The following DENND1B variants were observed in gnomAD, a reference collection of about 807,000 sequenced individuals.
DENND1B encodes DENN domain-containing protein 1B.
In DENND1B, 59 loss-of-function variants were observed where a neutral mutation model predicts 90.1. The ratio of observed to expected loss-of-function variants is 0.65; its 90% confidence interval spans 0.53 to 0.81. The LOEUF (loss-of-function observed/expected upper bound fraction) is 0.81. Among genes scored for constraint, DENND1B ranks in the 40% least tolerant of loss-of-function variants. DENND1B has a pLI of 0.00. For missense variants in DENND1B, 862 were observed against 912.6 expected (o/e 0.94, Z 0.71); for synonymous variants, 337 against 324.6 (o/e 1.04, Z -0.41).
Position 197,557,286 on chromosome 1 carries a change from T to C in DENND1B, c.1150-4174A>G, listed in dbSNP as rs545437576. 3.9e-5 allele frequency among the ~76,000 whole-genome samples: 6 copies of C among 152,002 alleles called. No individual in the cohort carries two copies. The South Asian group carries it at 1.2e-3, about 31-fold the overall frequency. On this transcript the variant is annotated intron_variant, in intron 15 of 22. Transcript: ENST00000620048. ...GTGAAAGTAATACATTACTGACAAATAGAACAAACTAAGACATCCTTTAAA... is the reference window on the plus strand; with the variant it reads ...GTGAAAGTAATACATTACTGACAAACAGAACAAACTAAGACATCCTTTAAA...
intron 2 of DENND1B, among the ~76,000 whole-genome samples, chr1:197,742,107 G>A (rs1663268480): frequency 6.6e-6 from 1 of 152,048 alleles, no homozygotes; most frequent in Non-Finnish European, 1.5e-5. Context: ...TTCAAGTCTT[G>A]GTCGATACCA....
At chr1:197,752,629 A>G (rs949374328) in intron 2 of DENND1B, among the ~76,000 whole-genome samples, 2 of 152,008 alleles carry the variant, frequency 1.3e-5, no homozygotes, top group African/African-American at 4.8e-5. Context: ...AATTTTTTTC[A>G]AAGACTAATT....
intron 2 of DENND1B, among the ~76,000 whole-genome samples, chr1:197,764,829 G>A (rs981710358): frequency 6.6e-6 from 1 of 152,146 alleles, no homozygotes; most frequent in African/African-American, 2.4e-5. Flanking sequence ...AGTAACACCG[G>A]TGTACTTAAA....
chr1:197,559,115 GT>G (rs1025559466), intron 15 of DENND1B, among the ~76,000 whole-genome samples: 1 of 151,854 alleles, frequency 6.6e-6, no homozygotes, highest in African/African-American at 2.4e-5. Flanking sequence ...TTACCAGTCA[GT>G]GTATTTCCAG....
intron 20 of DENND1B, among the ~76,000 whole-genome samples, chr1:197,530,089 A>G (rs1669512250): frequency 6.6e-6 from 1 of 152,212 alleles, no homozygotes; most frequent in African/African-American, 2.4e-5. Flanking sequence ...AGCAACAGCC[A>G]TACTAATTAG....
intron 2 of DENND1B, chr1:197,735,870 C>G: frequency 1.3e-6 from 2 of 1,573,754 alleles, no homozygotes; most frequent in Admixed American, 3.4e-5. Context: ...AGTCAAATTG[C>G]AGGGGGCTAT....
At chr1:197,771,393 G>A (rs1656595540) in intron 2 of DENND1B, among the ~76,000 whole-genome samples, 1 of 152,114 alleles carries the variant, frequency 6.6e-6, no homozygotes, top group African/African-American at 2.4e-5. Context: ...AGAGGACCCG[G>A]TTGGGGCTCA....
intron 2 of DENND1B, among the ~76,000 whole-genome samples, chr1:197,752,422 T>TTAAA (rs1653676788): frequency 6.6e-6 from 1 of 151,914 alleles, no homozygotes; most frequent in South Asian, 2.1e-4. Context: ...CAAGAAACAT[T>TTAAA]TGGGCCTAGG....
At chr1:197,573,875 G>A (rs2125742596) in intron 15 of DENND1B, among the ~76,000 whole-genome samples, 1 of 152,278 alleles carries the variant, frequency 6.6e-6, no homozygotes, top group African/African-American at 2.4e-5. Flanking sequence ...AATAGATGCA[G>A]AAAAGGCCTC....
intron 2 of DENND1B, among the ~76,000 whole-genome samples, chr1:197,732,105 T>C (rs1432636514): frequency 6.6e-6 from 1 of 152,184 alleles, no homozygotes; most frequent in Non-Finnish European, 1.5e-5. Flanking sequence ...GCTCTTTCTT[T>C]CTCTTCATAT....
intron 3 of DENND1B, among the ~76,000 whole-genome samples, chr1:197,692,296 T>C (rs550599308): frequency 1.3e-5 from 2 of 151,974 alleles, no homozygotes; most frequent in South Asian, 4.1e-4. Context: ...AATCTAAAGT[T>C]ACCTCTTTAA....
chr1:197,516,183 T>C (rs1668386802), intron 20 of DENND1B, among the ~76,000 whole-genome samples: 1 of 151,848 alleles, frequency 6.6e-6, no homozygotes, highest in Admixed American at 6.6e-5. Flanking sequence ...CTGATTAATA[T>C]GTTGTTTTCC....
chr1:197,768,185 G>A (rs892562005), intron 2 of DENND1B, among the ~76,000 whole-genome samples: 2 of 143,330 alleles, frequency 1.4e-5, no homozygotes. Context: ...CCTCCTCCTC[G>A]TCCTCCTCCT....
chr1:197,645,794 CAT>C (rs1392495560), intron 8 of DENND1B, 51 bp from the exon 9 acceptor site: 4 of 1,233,236 alleles, frequency 3.2e-6, no homozygotes, highest in Non-Finnish European at 4.5e-6. Context: ...AAACTGGTAA[CAT>C]ATAATTTGTA....
At chr1:197,512,422 A>G (rs1571686502) in intron 21 of DENND1B, among the ~76,000 whole-genome samples, 2 of 151,762 alleles carry the variant, frequency 1.3e-5, no homozygotes, top group African/African-American at 4.8e-5. Context: ...AGCTAAACAT[A>G]TATTATTTCC....
chr1:197,651,535 T>G (rs1248346070), intron 7 of DENND1B, among the ~76,000 whole-genome samples: 1 of 152,016 alleles, frequency 6.6e-6, no homozygotes, highest in African/African-American at 2.4e-5. Flanking sequence ...ATTTATATGT[T>G]ATATGTCATT....
intron 2 of DENND1B, among the ~76,000 whole-genome samples, chr1:197,729,590 C>A (rs1325780452): frequency 6.6e-6 from 1 of 152,024 alleles, no homozygotes; most frequent in Admixed American, 6.6e-5. Flanking sequence ...AAGAAAGCCC[C>A]ATACTTCAAG....
At chr1:197,551,235 T>G (rs1015177001) in intron 16 of DENND1B, among the ~76,000 whole-genome samples, 5 of 152,104 alleles carry the variant, frequency 3.3e-5, no homozygotes, top group Non-Finnish European at 7.4e-5. Context: ...AAAAAAAGTC[T>G]ATGTATAAAA....
intron 5 of DENND1B, among the ~76,000 whole-genome samples, chr1:197,665,249 A>G (rs1654827397): frequency 6.6e-6 from 1 of 152,160 alleles, no homozygotes; most frequent in Non-Finnish European, 1.5e-5. Flanking sequence ...AATGGCATAA[A>G]TCCAGGAGAA....
Sources: gnomAD v4.1 joint callset for allele counts (sites outside exome capture counted in the v4.1 genomes callset) on GRCh38, gnomAD v4.1.1 for gene constraint, MANE v1.5 for transcripts, NCBI Gene and HGNC (gene_info 2026-07-23, HGNC 2026-07-21) for gene names.